XRN1: variants seen among roughly 807,000 people sequenced by gnomAD.
The protein encoded by XRN1 is 5'-3' exoribonuclease 1, also known as strand-exchange protein 1 homolog.
Under a neutral mutation model 222.3 loss-of-function variants are expected in XRN1, and 67 were observed. The ratio of observed to expected loss-of-function variants is 0.30; its 90% CI spans 0.25 to 0.37. XRN1 has a LOEUF of 0.37. XRN1 is among the 10% of genes least tolerant of loss of function. The probability of loss-of-function intolerance (pLI) is 1.00; values close to 1 mark genes in which losing one functional copy is unlikely to be tolerated. For synonymous variants in XRN1, 643 were observed against 652.4 expected, an observed-to-expected ratio of 0.99 and a Z score of 0.22; for missense variants, 1,707 against 2,000.2, an observed-to-expected ratio of 0.85 and a Z score of 2.80.
At chr3:142,388,682 A>G (rs1396697281) in intron 20 of XRN1, among the ~76,000 whole-genome samples, 1 of 152,264 alleles carries the variant, frequency 6.6e-6, no homozygotes, top group Non-Finnish European at 1.5e-5. Flanking sequence ...TTGCTGTATC[A>G]GCTGACTCTT....
rs2069133690 is a variant in XRN1 at position 142,423,737 on chromosome 3, A to G, written c.628-95T>C. The stretch of plus-strand genomic sequence containing the variant: ...TAAAAAACAATTCTATACAAGGAAG[A>G]ATAAGAAACAATTAGCACATTAAAT... On this transcript the variant is annotated intron_variant, in intron 5 of 40. Coordinates refer to ENST00000392981, the MANE Select transcript of XRN1 (RefSeq NM_001282857.2). The G allele has an allele frequency of 5.8e-6, 5 of 862,264 alleles. No homozygotes were observed. In the South Asian group the frequency reaches 6.4e-5, roughly 11 times the overall value. The allele number at this position is 862,264 out of a possible 1,614,324, so 53.4% of individuals were successfully genotyped here.
At position 142,311,516 on chromosome 3, in the gene XRN1, C is replaced by T; in HGVS notation, c.5080G>A (p.Glu1694Lys). 6.3e-7 allele frequency: 1 copy of T among 1,584,168 alleles called. No homozygotes were observed. Among genetic ancestry groups the T allele is most frequent in the Non-Finnish European group, 8.6e-7 (1 of 1,163,330 alleles). ...AVNFGVSKPS[E>K] ...CTTAATTCTAAGAGCCAAATTTACTCAGAAGGTTTAGAAACACCAAAATTA... is the reference window on the plus strand; with the variant it reads ...CTTAATTCTAAGAGCCAAATTTACTTAGAAGGTTTAGAAACACCAAAATTA... The change falls in exon 41 of 41, where the codon GAG becomes AAG. Residue 1694 changes from glutamate to lysine, a missense_variant. Transcript: ENST00000392981.
chr3:142,421,635 A>C (rs2069038977), intron 8 of XRN1, 92 bp from the exon 9 acceptor site: 1 of 950,710 alleles, frequency 1.1e-6, no homozygotes, highest in Non-Finnish European at 1.6e-6. Context: ...TTGAATGTTC[A>C]TGTTCTACAG....
intron 33 of XRN1, among the ~76,000 whole-genome samples, chr3:142,345,787 C>T (rs1291671033): frequency 1.3e-5 from 2 of 152,168 alleles, no homozygotes; most frequent in African/African-American, 4.8e-5. Flanking sequence ...TGAAAAGATG[C>T]TCAACATTAT....
chr3:142,321,018 T>C (rs1443145669), intron 37 of XRN1, among the ~76,000 whole-genome samples: 1 of 152,022 alleles, frequency 6.6e-6, no homozygotes. Context: ...TTTCATATAT[T>C]ATGTTAGTTA....
chr3:142,379,324 T>A (rs539569448), intron 23 of XRN1, among the ~76,000 whole-genome samples: 2 of 152,080 alleles, frequency 1.3e-5, no homozygotes, highest in African/African-American at 4.8e-5. Context: ...GGGAAAATAA[T>A]CTCTAATCTA....
At chr3:142,367,265 C>T (rs2066846248) in intron 27 of XRN1, among the ~76,000 whole-genome samples, 1 of 151,078 alleles carries the variant, frequency 6.6e-6, no homozygotes. Flanking sequence ...CCAGCCTGGG[C>T]AACAAGACTG....
chr3:142,365,592 T>C (rs896376835), intron 27 of XRN1, among the ~76,000 whole-genome samples: 5 of 152,148 alleles, frequency 3.3e-5, no homozygotes, highest in African/African-American at 1.2e-4. Flanking sequence ...TTTGCTGAAG[T>C]ATAAGACAGC....
At chr3:142,352,947 C>T (rs1031649615) in intron 32 of XRN1, among the ~76,000 whole-genome samples, 4 of 152,168 alleles carry the variant, frequency 2.6e-5, no homozygotes, top group Admixed American at 1.3e-4. Flanking sequence ...CCTCGCCAAA[C>T]ATTCCTTTTT....
intron 10 of XRN1, chr3:142,420,314 C>T (rs923629694): frequency 1.3e-5 from 2 of 152,204 alleles, no homozygotes; most frequent in Non-Finnish European, 2.9e-5. Flanking sequence ...ATGGATAAAC[C>T]TCGCCCTGGG....
At chr3:142,362,955 A>C (rs1327685192) in intron 29 of XRN1, among the ~76,000 whole-genome samples, 1 of 151,724 alleles carries the variant, frequency 6.6e-6, no homozygotes, top group Non-Finnish European at 1.5e-5. Flanking sequence ...AAATTTTTTT[A>C]GTAAAGACAG....
chr3:142,447,175 T>G lies in XRN1; in HGVS notation c.75+695A>C, dbSNP rs954608564. Among the ~76,000 whole-genome samples, 1 of 152,132 alleles carries G rather than the reference T, an allele frequency of 6.6e-6. No individual in the cohort carries two copies. Among genetic ancestry groups the G allele is most frequent in the Non-Finnish European group, 1.5e-5 (1 of 68,032 alleles). The stretch of plus-strand genomic sequence containing the variant: ...GTCAGTACATGCCAAATATTATTAG[T>G]AGTATTAATGTTCTATCAATTCGTT... On this transcript the variant is annotated intron_variant, in intron 1 of 40. Coordinates refer to ENST00000392981, the MANE Select transcript of XRN1 (RefSeq NM_001282857.2). The surrounding 1 kb of genome is among the most constrained non-coding windows in gnomAD (Gnocchi z 4.2).
intron 27 of XRN1, among the ~76,000 whole-genome samples, chr3:142,366,805 C>T (rs2066826833): frequency 6.6e-6 from 1 of 152,154 alleles, no homozygotes; most frequent in Non-Finnish European, 1.5e-5. Flanking sequence ...CAAAAAACAA[C>T]CCATATGCTC....
At position 142,375,805 on chromosome 3, in the gene XRN1, A is replaced by G; in HGVS notation, c.2971T>C (p.Leu991=). 18 of 1,613,378 alleles carry G rather than the reference A, an allele frequency of 1.1e-5. No individual in the cohort carries two copies. The highest frequency in any genetic ancestry group is 1.4e-5 in the Non-Finnish European group (16 of 1,179,708). The change falls in exon 25 of 41, where the codon TTA becomes CTA. Residue 991 remains leucine (L), a synonymous_variant. Transcript: ENST00000392981. The stretch of plus-strand genomic sequence containing the variant: ...ATCTTATTATGTACTTACCTCTCTA[A>G]GTACTCTGCCAGAAGTTGTTCTGCT... ...SAAEQLLAEY[L]ERAPELFSYI...
rs76994123 is a variant in XRN1, at chr3:142,329,717, A to C, written c.4223-102T>G. 5,982 of 1,159,226 alleles carry C rather than the reference A, an allele frequency of 5.2e-3. 256 individuals are homozygous for C. The African/African-American group carries it at 0.09, about 17-fold the overall frequency. The allele number at this position is 1,159,226 out of a possible 1,614,324, so 71.8% of individuals were successfully genotyped here. A position where few individuals can be genotyped will look rare whatever the true frequency, so the allele number is the denominator to read the frequency against. ...TAGAAGAGCAAGCAGGAAACTGCTAAAAAGTGAAGTGAATTGCTCAAGGCC... is the reference window on the plus strand; with the variant it reads ...TAGAAGAGCAAGCAGGAAACTGCTACAAAGTGAAGTGAATTGCTCAAGGCC... On this transcript the variant is annotated intron_variant, in intron 36 of 40. Transcript: ENST00000392981.
At chr3:142,317,104 C>T (rs1291735061) in intron 39 of XRN1, among the ~76,000 whole-genome samples, 1 of 152,140 alleles carries the variant, frequency 6.6e-6, no homozygotes, top group Non-Finnish European at 1.5e-5. Flanking sequence ...GATCTTTGTA[C>T]ATATTTCTTC....
At position 142,311,264 on chromosome 3, in the gene XRN1, AG is replaced by A. The variant is rs1298351725; in HGVS notation, c.*246del. ...ATTATTTTAATGCAAGGTTTAATTT[AG>A]TTTTTTATTACAGATTTATTGAGGT... On this transcript the variant is annotated 3_prime_UTR_variant, in exon 41 of 41. Transcript: ENST00000392981. 1 of 295,762 alleles carries A rather than the reference AG, an allele frequency of 3.4e-6. No individual in the cohort carries two copies. The highest frequency in any genetic ancestry group is 4.6e-5 in the Admixed American group (1 of 21,772). The allele number at this position is 295,762 out of a possible 1,614,324, so 18.3% of individuals were successfully genotyped here. A position where few individuals can be genotyped will look rare whatever the true frequency, so the allele number is the denominator to read the frequency against.
intron 37 of XRN1, among the ~76,000 whole-genome samples, chr3:142,319,928 A>ACACG (rs1417606680): frequency 6.6e-6 from 1 of 151,966 alleles, no homozygotes; most frequent in African/African-American, 2.4e-5. Flanking sequence ...ACACACACAC[A>ACACG]CACGCACGCA....
In XRN1 at chr3:142,357,054, C is replaced by A; in HGVS notation, c.3530G>T (p.Arg1177Leu). The A allele has an allele frequency of 6.2e-7, 1 of 1,613,756 alleles. No homozygotes were observed. Among genetic ancestry groups the A allele is most frequent in the Non-Finnish European group, 8.5e-7 (1 of 1,179,914 alleles). ...SALVNLSHGS[R>L]SETGNQKLTA... ...CAACTTCTGATTTCCAGTTTCAGAG[C>A]GACTCCCATGAGAAAGGTTCACCAA... The change falls in exon 31 of 41, where the codon CGC becomes CTC. Residue 1177 changes from arginine to leucine, a missense_variant. Arg to Leu is a moderately radical substitution (Grantham distance 102, BLOSUM62 -2). This residue lies in a region of XRN1 where 1,234 missense variants were observed against 1,518.2 expected (regional missense o/e 0.81). Transcript: ENST00000392981.
Sources: allele counts gnomAD v4.1 joint callset (sites outside exome capture counted in the v4.1 genomes callset), GRCh38; gene constraint gnomAD v4.1.1; regional missense constraint gnomAD v4.1.1; non-coding constraint Gnocchi (gnomAD v3.1); transcripts MANE v1.5; gene names NCBI Gene and HGNC (gene_info 2026-07-23, HGNC 2026-07-21).